Variants in PXYLP1 observed in about 807,000 individuals in gnomAD.
PXYLP1 encodes the protein 2-phosphoxylose phosphatase 1.
PXYLP1 carries 17 observed loss-of-function variants against 37.9 expected under a neutral mutation model. The ratio of observed to expected loss-of-function variants is 0.45; its 90% CI spans 0.31 to 0.67. The LOEUF (loss-of-function observed/expected upper bound fraction) is 0.67. PXYLP1 is among the 30% of genes least tolerant of loss of function. The probability of loss-of-function intolerance (pLI) is 0.07; values close to 1 mark genes in which losing one functional copy is unlikely to be tolerated. For synonymous variants in PXYLP1, 221 were observed against 232.2 expected (o/e 0.95, Z 0.44); for missense variants, 511 against 612.0 (o/e 0.84, Z 1.74).
chr3:141,294,647 A>C lies in PXYLP1; in HGVS notation c.*1442A>C, dbSNP rs1410174859. The C allele has an allele frequency of 6.6e-6, 1 of 152,192 alleles. No individual in the cohort carries two copies. The highest frequency in any genetic ancestry group is 1.5e-5 in the Non-Finnish European group (1 of 68,020). The allele number at this position is 152,192 out of a possible 1,614,324, so 9.4% of individuals were successfully genotyped here. On this transcript the variant is annotated 3_prime_UTR_variant, in exon 6 of 6. Transcript: ENST00000286353. The stretch of plus-strand genomic sequence containing the variant: ...TTTTTAAGAATACCTATACTATACA[A>C]CTAATGGTTTGTACCTATAAGTCAC...
At chr3:141,274,467 C>T (rs2148801763) in intron 2 of PXYLP1, 2 of 1,508,592 alleles carry the variant, frequency 1.3e-6, no homozygotes, top group Non-Finnish European at 1.8e-6. Context: ...CAGCCAGCTT[C>T]ATCAGTTTTT....
At chr3:141,277,661 T>C (rs1057086685) in intron 2 of PXYLP1, among the ~76,000 whole-genome samples, 1 of 152,202 alleles carries the variant, frequency 6.6e-6, no homozygotes, top group Non-Finnish European at 1.5e-5. Context: ...TGATTGACAG[T>C]CCAGCCTGAC....
At chr3:141,265,562 G>A (rs1176762746) in intron 2 of PXYLP1, among the ~76,000 whole-genome samples, 1 of 151,900 alleles carries the variant, frequency 6.6e-6, no homozygotes, top group African/African-American at 2.4e-5. Flanking sequence ...CCCCAATGAA[G>A]GTATTGACCC....
chr3:141,269,590 A>T (rs909134844), intron 2 of PXYLP1, among the ~76,000 whole-genome samples: 1 of 152,080 alleles, frequency 6.6e-6, no homozygotes, highest in Non-Finnish European at 1.5e-5. Flanking sequence ...GCATTGTCCC[A>T]TGGGGTTTCA....
chr3:141,293,150 C>G lies in PXYLP1; in HGVS notation c.1388C>G (p.Ala463Gly). The change falls in exon 6 of 6, where the codon GCC becomes GGC. Residue 463 changes from alanine (A) to glycine (G), a missense_variant. Transcript: ENST00000286353. ...VRFVKRDMFV[A>G]LGGSGTNYYD... ...TTTGTGAAAAGGGACATGTTTGTAG[C>G]CCTGGGTGGCAGTGGTACAAATTAT... 1 of 1,614,062 alleles carries G rather than the reference C, an allele frequency of 6.2e-7. No homozygotes were observed. The highest frequency in any genetic ancestry group is 8.5e-7 in the Non-Finnish European group (1 of 1,180,030).
chr3:141,272,085 C>G (rs1291273717), intron 2 of PXYLP1, among the ~76,000 whole-genome samples: 4 of 152,144 alleles, frequency 2.6e-5, no homozygotes, highest in African/African-American at 9.7e-5. Context: ...AGATTTCTGT[C>G]CTTGGCCCTA....
intron 2 of PXYLP1, chr3:141,273,476 A>G (rs1941716980): frequency 1.0e-6 from 1 of 984,864 alleles, no homozygotes; most frequent in Admixed American, 6.2e-5. Flanking sequence ...TAATACATAC[A>G]GAGTCATCCA....
At chr3:141,239,368 GCT>G (rs1940739900) in intron 1 of PXYLP1, among the ~76,000 whole-genome samples, 1 of 152,112 alleles carries the variant, frequency 6.6e-6, no homozygotes, top group Admixed American at 6.5e-5. Flanking sequence ...ATTTTTTTTG[GCT>G]CTGTCTTCAA....
intron 2 of PXYLP1, among the ~76,000 whole-genome samples, chr3:141,271,010 T>A (rs1423531334): frequency 6.6e-6 from 1 of 152,120 alleles, no homozygotes; most frequent in Admixed American, 6.5e-5. Flanking sequence ...CCTGCCTCAG[T>A]CCCCTGAGTA....
In PXYLP1 at chr3:141,292,622, A is replaced by G. The variant is rs1220801964; in HGVS notation, c.860A>G (p.Lys287Arg). ...GCCAAGATCGTGGATGTCCCCACCA[A>G]GCAGCTTAGAGCTGCCAACCCCATA... ...EMAKIVDVPT[K>R]QLRAANPIDS... The change falls in exon 6 of 6, where the codon AAG becomes AGG. Residue 287 changes from lysine to arginine, a missense_variant. Lys to Arg is a conservative substitution (Grantham distance 26). Coordinates refer to ENST00000286353, the MANE Select transcript of PXYLP1 (RefSeq NM_001037172.3). The surrounding 1 kb of genome is among the most constrained non-coding windows in gnomAD (Gnocchi z 4.3). The G allele has an allele frequency of 6.2e-7, 1 of 1,613,820 alleles. No homozygotes were observed. Among genetic ancestry groups the G allele is most frequent in the East Asian group, 2.2e-5 (1 of 44,884 alleles).
chr3:141,261,116 ACCTGTCTC>A (rs1941384937), intron 2 of PXYLP1, among the ~76,000 whole-genome samples: 1 of 152,052 alleles, frequency 6.6e-6, no homozygotes, highest in African/African-American at 2.4e-5. Flanking sequence ...GAATCCTTGA[ACCTGTCTC>A]CCTCCCTCCT....
At position 141,278,340 on chromosome 3, in the gene PXYLP1, A is replaced by T; in HGVS notation, c.80-2A>T. 1 of 1,614,180 alleles carries T rather than the reference A, an allele frequency of 6.2e-7. No homozygotes were observed. The highest frequency in any genetic ancestry group is 8.5e-7 in the Non-Finnish European group (1 of 1,180,008). The stretch of plus-strand genomic sequence containing the variant: ...GTCACAACCTGCCTTACTTCGTTTC[A>T]GTCCACCTGATCCCGGTGTCGACTC... On this transcript the variant is annotated splice_acceptor_variant, in intron 2 of 5. Transcript: ENST00000286353. LOFTEE classifies it high-confidence loss of function.
intron 2 of PXYLP1, chr3:141,273,196 G>A (rs1941710723): frequency 2.0e-6 from 2 of 985,168 alleles, no homozygotes; most frequent in Non-Finnish European, 2.4e-6. Flanking sequence ...CAGAGACCTT[G>A]TCCATTTTAT....
rs951817416 is a variant in PXYLP1 at position 141,244,166 on chromosome 3, TA to T, written c.-54+12264del. On this transcript the variant is annotated intron_variant, in intron 1 of 5. Coordinates refer to ENST00000286353, the MANE Select transcript of PXYLP1 (RefSeq NM_001037172.3). ...CTCTCCTTTTAATGTTTTTCCTTTT[TA>T]AAAAAAAATTGTTACTTTTACAAAT... 5.2e-4 allele frequency among the ~76,000 whole-genome samples: 79 copies of T among 152,012 alleles called. No homozygotes were observed. The South Asian group carries it at 7.3e-3, about 14-fold the overall frequency.
intron 4 of PXYLP1, among the ~76,000 whole-genome samples, chr3:141,284,678 A>G (rs1942031513): frequency 6.6e-6 from 1 of 152,186 alleles, no homozygotes; most frequent in Non-Finnish European, 1.5e-5. Context: ...ATTACTTATA[A>G]CGCCAAACAC....
At chr3:141,273,751 G>C (rs1559891270) in intron 2 of PXYLP1, 1 of 985,232 alleles carries the variant, frequency 1.0e-6, no homozygotes, top group Non-Finnish European at 1.2e-6. Context: ...CGCCATAAAA[G>C]AGAGGCTTAT....
intron 4 of PXYLP1, among the ~76,000 whole-genome samples, chr3:141,286,956 G>A (rs1942088377): frequency 6.6e-6 from 1 of 152,240 alleles, no homozygotes; most frequent in African/African-American, 2.4e-5. Context: ...GGAATGGAGA[G>A]AGTGGGACGA....
chr3:141,279,223 C>T (rs866824975), intron 3 of PXYLP1, among the ~76,000 whole-genome samples, 155 bp from the exon 4 acceptor site: 6 of 152,194 alleles, frequency 3.9e-5, no homozygotes, highest in Non-Finnish European at 1.5e-5. Context: ...CAGCCAGGGC[C>T]CCTTCACTGT....
rs1941901253 is a variant in PXYLP1 at position 141,279,679 on chromosome 3, G to A, written c.365+175G>A. The stretch of plus-strand genomic sequence containing the variant: ...AAAGATGGAGGCCCACAGAGGCGGG[G>A]ACACCTGTTTGAAGCAACACAGCAG... On this transcript the variant is annotated intron_variant, in intron 4 of 5. Coordinates refer to ENST00000286353, the MANE Select transcript of PXYLP1 (RefSeq NM_001037172.3). Among the ~76,000 whole-genome samples, 4 of 152,230 alleles carry A rather than the reference G, an allele frequency of 2.6e-5. No individual in the cohort carries two copies. In the South Asian group the frequency reaches 8.3e-4, roughly 32 times the overall value.
Sources: gnomAD v4.1 joint callset for allele counts (sites outside exome capture counted in the v4.1 genomes callset) on GRCh38, gnomAD v4.1.1 for gene constraint, Gnocchi (gnomAD v3.1) non-coding constraint, MANE v1.5 for transcripts, NCBI Gene and HGNC (gene_info 2026-07-23, HGNC 2026-07-21) for gene names.